Variants in PDLIM2 observed in about 807,000 individuals in gnomAD.
PDLIM2 encodes PDZ and LIM domain protein 2.
Under a neutral mutation model 54.1 loss-of-function variants are expected in PDLIM2, and 51 were observed. That is an observed-to-expected ratio of 0.94 (90% CI 0.75 to 1.19). The LOEUF (loss-of-function observed/expected upper bound fraction) is 1.19. Among genes scored for constraint, PDLIM2 ranks in the 50% most tolerant of loss-of-function variants. The pLI, the probability that PDLIM2 is intolerant of heterozygous loss-of-function variation, is 0.00. For synonymous variants in PDLIM2, 398 were observed against 385.6 expected (o/e 1.03, Z -0.38); for missense variants, 912 against 874.0 (o/e 1.04, Z -0.55).
At chr8:22,580,904 G>A (rs535538929) in intron 2 of PDLIM2, 2 of 716,342 alleles carry the variant, frequency 2.8e-6, no homozygotes, top group South Asian at 1.5e-5. Flanking sequence ...GTGAAAGGGA[G>A]CTGGGACCAG....
chr8:22,580,531 T>G (rs1013171195), intron 1 of PDLIM2: 1 of 1,610,008 alleles, frequency 6.2e-7, no homozygotes, highest in African/African-American at 1.3e-5. Flanking sequence ...TTGGCTCCTC[T>G]CCTGCTGCCT....
chr8:22,594,798 C>T, downstream of PDLIM2: 1 of 1,300,286 alleles, frequency 7.7e-7, no homozygotes, highest in Non-Finnish European at 1.0e-6. Context: ...GGCAGGGTGG[C>T]TCAGGCTTTA....
Position 22,578,832 on chromosome 8 carries a change from CT to C in PDLIM2, c.54del (p.Arg19AspfsTer235). 8.1e-7 allele frequency: 1 copy of C among 1,234,464 alleles called. No homozygotes were observed. Among genetic ancestry groups the C allele is most frequent in the Middle Eastern group, 2.1e-4 (1 of 4,806 alleles). The allele number at this position is 1,234,464 out of a possible 1,614,324, so 76.5% of individuals were successfully genotyped here. ...TGGGAGAGCTTTATGGGGCTGCCCC[CT>C]CGATCGTCTGCGAAGTGGGGCGCGG... On this transcript the variant is annotated frameshift_variant, in exon 1 of 10. Transcript: ENST00000308354. LOFTEE classifies it high-confidence loss of function.
At chr8:22,583,383 C>T (rs1317031784) in intron 3 of PDLIM2, among the ~76,000 whole-genome samples, 4 of 152,144 alleles carry the variant, frequency 2.6e-5, no homozygotes, top group Non-Finnish European at 4.4e-5. Flanking sequence ...GGCCCAGTCA[C>T]CGTGGGCTCT....
At chr8:22,589,951 C>G (rs1488661754) in intron 8 of PDLIM2, 10 of 621,554 alleles carry the variant, frequency 1.6e-5, no homozygotes, top group Non-Finnish European at 2.8e-5. Context: ...AGCGTGCTCC[C>G]ACAGAGTAGT....
intron 6 of PDLIM2, 38 bp from the exon 6 acceptor site, chr8:22,589,260 C>A (rs1461613232): frequency 6.5e-7 from 1 of 1,532,212 alleles, no homozygotes; most frequent in African/African-American, 1.4e-5. Context: ...GCCCAAGGCT[C>A]TGGCCCTGAC....
chr8:22,594,439 C>A, downstream of PDLIM2: 1 of 1,603,050 alleles, frequency 6.2e-7, no homozygotes, highest in South Asian at 1.1e-5. Context: ...CAGTTGCCTG[C>A]ACCTGACATT....
At chr8:22,580,730 C>G in intron 2 of PDLIM2, 33 bp downstream of exon 1, 2 of 1,607,326 alleles carry the variant, frequency 1.2e-6, no homozygotes, top group Non-Finnish European at 1.7e-6. Context: ...ATGAGAAGGT[C>G]CTGCCAGAAG....
intron 3 of PDLIM2, among the ~76,000 whole-genome samples, chr8:22,582,884 CCTTA>C (rs1157496211): frequency 1.3e-5 from 2 of 150,860 alleles, no homozygotes; most frequent in African/African-American, 4.9e-5. Context: ...GGCCCAGTCT[CCTTA>C]CTTTTGCTGA....
downstream of PDLIM2, chr8:22,597,155 G>C (rs1800698741): frequency 6.6e-6 from 1 of 152,284 alleles, no homozygotes; most frequent in African/African-American, 2.4e-5. Flanking sequence ...GGGAAGTGCA[G>C]GGGCCACTGG....
exon 6 of PDLIM2, chr8:22,585,330 T>G: frequency 6.2e-7 from 1 of 1,612,864 alleles, no homozygotes; most frequent in South Asian, 1.1e-5. Context: ...GCTTCCAGAG[T>G]CTGGCATGTT....
chr8:22,594,252 T>A, exon 10 of PDLIM2: 1 of 1,389,408 alleles, frequency 7.2e-7, no homozygotes. Flanking sequence ...CTGTGTAAAG[T>A]TTTTGACATA....
intron 4 of PDLIM2, 60 bp from the exon 4 acceptor site, chr8:22,584,957 G>A (rs530658321): frequency 8.0e-5 from 129 of 1,613,714 alleles, no homozygotes; most frequent in Non-Finnish European, 9.7e-5. Flanking sequence ...TGAGGCCCGA[G>A]GGCAGGGCGG....
chr8:22,591,922 G>A (rs1800561324), intron 9 of PDLIM2: 1 of 399,460 alleles, frequency 2.5e-6, no homozygotes, highest in African/African-American at 2.1e-5. Flanking sequence ...ATTTCTCTTT[G>A]ATCATTTCAA....
chr8:22,581,390 G>T (rs1220304848), exon 3 of PDLIM2: 2 of 1,603,666 alleles, frequency 1.2e-6, no homozygotes, highest in African/African-American at 2.7e-5. Flanking sequence ...TGGCCGAGCG[G>T]GGCAAAGCCA....
chr8:22,594,349 C>T (rs1800637585), downstream of PDLIM2: 2 of 1,465,930 alleles, frequency 1.4e-6, no homozygotes, highest in Non-Finnish European at 1.8e-6. Flanking sequence ...GTATGACCTG[C>T]TCCCACCACT....
chr8:22,594,659 T>C (rs769517201), downstream of PDLIM2: 3 of 1,608,094 alleles, frequency 1.9e-6, no homozygotes, highest in African/African-American at 4.0e-5. Context: ...AGACAACCTC[T>C]GATCCTGAGG....
At chr8:22,584,584 G>T (rs2117346670) in intron 3 of PDLIM2, among the ~76,000 whole-genome samples, 1 of 152,362 alleles carries the variant, frequency 6.6e-6, no homozygotes, top group South Asian at 2.1e-4. Context: ...GCGTTGGGAT[G>T]ATAGGCGTGG....
chr8:22,579,043 G>A (rs1307714744), exon 1 of PDLIM2: 1 of 1,240,488 alleles, frequency 8.1e-7, no homozygotes, highest in East Asian at 3.2e-5. Context: ...CGGAGGCGGC[G>A]GCTTCTCGGG....
Sources: allele counts gnomAD v4.1 joint callset (sites outside exome capture counted in the v4.1 genomes callset), GRCh38; gene constraint gnomAD v4.1.1; transcripts MANE v1.5; gene names NCBI Gene and HGNC (gene_info 2026-07-23, HGNC 2026-07-21).